PRDM15: variants seen among roughly 807,000 people sequenced by gnomAD.
The protein encoded by PRDM15 is PR domain zinc finger protein 15.
A neutral mutation model predicts 128.6 loss-of-function variants in PRDM15; 64 were observed. The observed-to-expected ratio is 0.50, with a 90% CI of 0.41 to 0.61. The LOEUF (loss-of-function observed/expected upper bound fraction) is 0.61. Ranked by LOEUF, PRDM15 falls within the 20% of genes least tolerant of loss-of-function variation. The probability of loss-of-function intolerance (pLI) is 0.00; values close to 1 mark genes in which losing one functional copy is unlikely to be tolerated. For synonymous variants in PRDM15, 615 were observed against 621.8 expected (o/e 0.99, Z 0.16); for missense variants, 1,242 against 1,569.1 (o/e 0.79, Z 3.52).
At chr21:41,871,970 G>GA (rs1176756073) in intron 1 of PRDM15, 2 of 194,360 alleles carry the variant, frequency 1.0e-5, no homozygotes, top group African/African-American at 4.6e-5. Context: ...GGATACAATG[G>GA]AACATCGGGC....
Position 41,826,149 on chromosome 21 carries a change from A to G in PRDM15, c.1535-95T>C, listed in dbSNP as rs894455412. 20 of 993,798 alleles carry G rather than the reference A, an allele frequency of 2.0e-5. No homozygotes were observed. The Admixed American group carries it at 3.7e-4, about 18-fold the overall frequency. 61.6% of individuals were successfully genotyped at this position (993,798 alleles called of 1,614,324 possible). On this transcript the variant is annotated intron_variant, in intron 12 of 23. Coordinates refer to ENST00000398548, the MANE Select transcript of PRDM15 (RefSeq NM_001040424.3). ...CTTCAGCCAGCATCCTTTCCAGCGC[A>G]CGGGAGGACAGGGCTGCCCACAGTG...
intron 14 of PRDM15, 43 bp downstream of exon 14, chr21:41,823,275 C>T: frequency 6.3e-7 from 1 of 1,598,156 alleles, no homozygotes; most frequent in African/African-American, 1.3e-5. Flanking sequence ...GCCTGGGGGC[C>T]TGCCGTGAGC....
At chr21:41,878,674 G>A in intron 1 of PRDM15, 5 of 1,513,748 alleles carry the variant, frequency 3.3e-6, no homozygotes, top group Non-Finnish European at 4.5e-6. Context: ...AAGGCGCAGG[G>A]GGTCTGGGAG....
chr21:41,817,306 T>C (rs2062087567), intron 18 of PRDM15, among the ~76,000 whole-genome samples: 1 of 152,218 alleles, frequency 6.6e-6, no homozygotes, highest in African/African-American at 2.4e-5. Context: ...ATATTCTTAC[T>C]GGCCACAGTA....
chr21:41,816,374 G>A (rs1166538481), intron 18 of PRDM15, among the ~76,000 whole-genome samples: 1 of 152,202 alleles, frequency 6.6e-6, no homozygotes, highest in Non-Finnish European at 1.5e-5. Context: ...CGCTGGCAGG[G>A]ACAGCACTGT....
In PRDM15 at chr21:41,838,121, C is replaced by G. The variant is rs1012962618; in HGVS notation, c.872-58G>C. ...CACAAGAGCAGGGGACAAACACAGTCAAACCATGGTGACACACTGCCCCAT... is the reference window on the plus strand; with the variant it reads ...CACAAGAGCAGGGGACAAACACAGTGAAACCATGGTGACACACTGCCCCAT... On this transcript the variant is annotated intron_variant, in intron 7 of 23. Coordinates refer to ENST00000398548, the MANE Select transcript of PRDM15 (RefSeq NM_001040424.3). 2.3e-5 allele frequency: 37 copies of G among 1,588,844 alleles called. No homozygotes were observed. The East Asian group carries it at 5.2e-4, about 22-fold the overall frequency.
chr21:41,849,320 C>A lies in PRDM15; in HGVS notation c.539-2129G>T, dbSNP rs895397669. 2.0e-5 allele frequency among the ~76,000 whole-genome samples: 3 copies of A among 152,292 alleles called. No homozygotes were observed. In the East Asian group the frequency reaches 5.8e-4, roughly 29 times the overall value. On this transcript the variant is annotated intron_variant, in intron 5 of 23. Transcript: ENST00000398548. The stretch of plus-strand genomic sequence containing the variant: ...CACTGGCTCATGCCTGTAATCCCAG[C>A]GCTTTGGGAGGCCCAGATGGGTGGA...
intron 10 of PRDM15, 129 bp downstream of exon 10, chr21:41,835,963 GCCCCCGCCCACTCTCCTCCCT>G: frequency 8.6e-6 from 1 of 115,682 alleles, no homozygotes. Flanking sequence ...CTCCCCCACA[GCCCCCGCCCACTCTCCTCCCT>G]CCCCCACAGC....
rs2061836362 is a variant in PRDM15 at position 41,810,683 on chromosome 21, G to T, written c.2476+70C>A. 8.4e-7 allele frequency: 1 copy of T among 1,196,514 alleles called. No homozygotes were observed. Among genetic ancestry groups the T allele is most frequent in the Non-Finnish European group, 1.2e-6 (1 of 803,462 alleles). The allele number at this position is 1,196,514 out of a possible 1,614,324, so 74.1% of individuals were successfully genotyped here. A position where few individuals can be genotyped will look rare whatever the true frequency, so the allele number is the denominator to read the frequency against. On this transcript the variant is annotated intron_variant, in intron 20 of 23. Coordinates refer to ENST00000398548, the MANE Select transcript of PRDM15 (RefSeq NM_001040424.3). This position sits in a 1 kb window ranked among gnomAD's most constrained non-coding sequence, Gnocchi z 6.4. Reference sequence around the variant, plus strand: ...TAATAGAATAGTCGTTTCCACCCCAGCAGGCACTCAGACAGCCCCGGCAGC... The same window carrying T: ...TAATAGAATAGTCGTTTCCACCCCATCAGGCACTCAGACAGCCCCGGCAGC...
chr21:41,822,744 GGGAT>G, intron 14 of PRDM15, among the ~76,000 whole-genome samples: 1 of 152,276 alleles, frequency 6.6e-6, no homozygotes, highest in South Asian at 2.1e-4. Flanking sequence ...CCTCAAGATT[GGGAT>G]TTGGGGTGGG....
intron 1 of PRDM15, among the ~76,000 whole-genome samples, chr21:41,872,829 G>A (rs2064261859): frequency 6.6e-6 from 1 of 152,188 alleles, no homozygotes; most frequent in Non-Finnish European, 1.5e-5. Context: ...TGTATTTAGT[G>A]AGAAATAAGA....
chr21:41,858,313 G>A (rs954791614), intron 3 of PRDM15, among the ~76,000 whole-genome samples: 2 of 142,270 alleles, frequency 1.4e-5, no homozygotes, highest in African/African-American at 5.3e-5. Context: ...CAGGCCCCTC[G>A]GACAGAGGCG....
chr21:41,860,237 G>C (rs2063768871), intron 2 of PRDM15, 90 bp downstream of exon 2: 2 of 919,722 alleles, frequency 2.2e-6, no homozygotes, highest in South Asian at 1.4e-5. Context: ...ATGTAGACGT[G>C]GCTTTGCCCA....
At chr21:41,869,273 C>T (rs1286191372) in intron 1 of PRDM15, among the ~76,000 whole-genome samples, 1 of 152,092 alleles carries the variant, frequency 6.6e-6, no homozygotes, top group Admixed American at 6.6e-5. Context: ...CAAAGACTTT[C>T]TCCTACGTTT....
rs751506564 is a variant in PRDM15 at position 41,836,088 on chromosome 21, G to A, written c.1278+25C>T. 12 of 1,556,858 alleles carry A rather than the reference G, an allele frequency of 7.7e-6. No individual in the cohort carries two copies. The African/African-American group carries it at 1.4e-4, about 18-fold the overall frequency. On this transcript the variant is annotated intron_variant, in intron 10 of 23. Coordinates refer to ENST00000398548, the MANE Select transcript of PRDM15 (RefSeq NM_001040424.3). ...TGTGTTGTCCACACAACTGGGAAGAGAACCCTGGGCTTGTTTCCACCCACC... is the reference window on the plus strand; with the variant it reads ...TGTGTTGTCCACACAACTGGGAAGAAAACCCTGGGCTTGTTTCCACCCACC...
At position 41,804,601 on chromosome 21, in the gene PRDM15, C is replaced by T; in HGVS notation, c.2666G>A (p.Arg889Lys). 6.4e-7 allele frequency: 1 copy of T among 1,564,974 alleles called. No individual in the cohort carries two copies. Among genetic ancestry groups the T allele is most frequent in the African/African-American group, 1.3e-5 (1 of 74,250 alleles). ...CGGGAGGTGGTCCAGGTCATCGATC[C>T]TCACCGCGAGCACCTATGAGGAGCA... Reference protein sequence around the residue: ...RRKHPEVLAVRIDDLDHLPET... With the variant: ...RRKHPEVLAVKIDDLDHLPET... Residue 889 changes from arginine to lysine, a missense_variant, in exon 22 of 24, where the codon AGG (arginine) becomes AAG (lysine). Physicochemically the swap from Arg to Lys is conservative, Grantham distance 26 (BLOSUM62 2). Transcript: ENST00000398548.
chr21:41,876,055 A>T (rs2146064814), intron 1 of PRDM15, among the ~76,000 whole-genome samples: 1 of 152,328 alleles, frequency 6.6e-6, no homozygotes, highest in South Asian at 2.1e-4. Flanking sequence ...AATAGTAAGT[A>T]TTTGCTTATC....
At chr21:41,827,029 T>C (rs1480275811) in intron 12 of PRDM15, among the ~76,000 whole-genome samples, 1 of 152,190 alleles carries the variant, frequency 6.6e-6, no homozygotes, top group Non-Finnish European at 1.5e-5. Flanking sequence ...AAGAGCAGGG[T>C]CTGGTGCAAC....
chr21:41,872,299 G>T (rs2064240979), intron 1 of PRDM15, among the ~76,000 whole-genome samples: 1 of 151,924 alleles, frequency 6.6e-6, no homozygotes, highest in African/African-American at 2.4e-5. Flanking sequence ...CTTGGATCTT[G>T]CATTTTTACT....
Sources: allele counts gnomAD v4.1 joint callset (sites outside exome capture counted in the v4.1 genomes callset), GRCh38; gene constraint gnomAD v4.1.1; non-coding constraint Gnocchi (gnomAD v3.1); transcripts MANE v1.5; gene names NCBI Gene and HGNC (gene_info 2026-07-23, HGNC 2026-07-21).